PTPRM: variants seen among roughly 807,000 people sequenced by gnomAD.
PTPRM encodes protein tyrosine phosphatase receptor type M.
A neutral mutation model predicts 186.7 loss-of-function variants in PTPRM; 47 were observed. The observed-to-expected ratio is 0.25, with a 90% CI of 0.20 to 0.32. The LOEUF is 0.32. PTPRM is among the 10% of genes least tolerant of loss of function. The pLI is 1.00. For missense variants in PTPRM, 1,494 were observed against 1,865.0 expected (o/e 0.80, Z 3.66); for synonymous variants, 668 against 674.9 (o/e 0.99, Z 0.16).
intron 1 of PTPRM, among the ~76,000 whole-genome samples, chr18:7,685,797 A>G (rs371155452): frequency 6.6e-6 from 1 of 152,172 alleles, no homozygotes; most frequent in East Asian, 1.9e-4. Flanking sequence ...GCTGTAATTC[A>G]TCTCTAGAAA....
intron 1 of PTPRM, among the ~76,000 whole-genome samples, chr18:7,705,660 T>G (rs1315457159): frequency 6.6e-6 from 1 of 151,760 alleles, no homozygotes; most frequent in Non-Finnish European, 1.5e-5. Context: ...TTGTTGATTT[T>G]AAGGATTAAG....
chr18:7,899,408 C>A (rs2049539932), intron 3 of PTPRM, among the ~76,000 whole-genome samples: 1 of 152,068 alleles, frequency 6.6e-6, no homozygotes, highest in Non-Finnish European at 1.5e-5. Context: ...TAGGGAGTAG[C>A]AAATTCACAA....
chr18:8,186,276 A>G (rs1053367520), intron 14 of PTPRM, among the ~76,000 whole-genome samples: 2 of 147,354 alleles, frequency 1.4e-5, no homozygotes, highest in Non-Finnish European at 3.0e-5. Context: ...CAGTGAGCGG[A>G]GATCGTGCCA....
chr18:7,810,947 C>T (rs2044478611), intron 2 of PTPRM, among the ~76,000 whole-genome samples: 1 of 152,126 alleles, frequency 6.6e-6, no homozygotes. Flanking sequence ...ATAAAATCAG[C>T]ACATCCACAG....
At chr18:7,818,268 C>A (rs1733289078) in intron 2 of PTPRM, among the ~76,000 whole-genome samples, 1 of 152,124 alleles carries the variant, frequency 6.6e-6, no homozygotes, top group Admixed American at 6.5e-5. Context: ...GTATTAATTT[C>A]TTTGGTTAGG....
intron 4 of PTPRM, among the ~76,000 whole-genome samples, chr18:7,923,563 A>G (rs531789280): frequency 6.6e-6 from 1 of 152,362 alleles, no homozygotes; most frequent in South Asian, 2.1e-4. Flanking sequence ...AGTTCCCAGC[A>G]ATGGAAAACC....
At chr18:8,323,527 T>C (rs1029866758) in intron 22 of PTPRM, among the ~76,000 whole-genome samples, 2 of 152,246 alleles carry the variant, frequency 1.3e-5, no homozygotes, top group African/African-American at 4.8e-5. Flanking sequence ...ATTGTTGAGA[T>C]GCACGCGTTA....
chr18:8,228,677 T>TAAAAA (rs55669801), intron 14 of PTPRM, among the ~76,000 whole-genome samples: 2 of 130,608 alleles, frequency 1.5e-5, no homozygotes, highest in Non-Finnish European at 3.2e-5. Context: ...CAAACTCTAC[T>TAAAAA]AAAAAAAAAA....
chr18:7,985,126 T>G (rs573537076), intron 7 of PTPRM, among the ~76,000 whole-genome samples: 95 of 130,814 alleles, frequency 7.3e-4, no homozygotes, highest in African/African-American at 2.6e-3. Context: ...TATATACACA[T>G]ATAAATATAT....
At chr18:8,276,287 A>T (rs2094834578) in intron 19 of PTPRM, among the ~76,000 whole-genome samples, 1 of 152,068 alleles carries the variant, frequency 6.6e-6, no homozygotes, top group African/African-American at 2.4e-5. Context: ...GAGTGTTACA[A>T]CTGGACTGCA....
chr18:8,071,087 C>G (rs1402583210), intron 8 of PTPRM, among the ~76,000 whole-genome samples: 4 of 152,148 alleles, frequency 2.6e-5, no homozygotes, highest in African/African-American at 9.7e-5. Flanking sequence ...TTTATTGTCC[C>G]TCAAGTCCTG....
intron 21 of PTPRM, among the ~76,000 whole-genome samples, chr18:8,318,285 C>CTTT (rs140026832): frequency 2.0e-4 from 12 of 59,926 alleles, no homozygotes; most frequent in African/African-American, 8.2e-4. Flanking sequence ...TTGTTTCCTT[C>CTTT]TTTTTTTTTT....
chr18:7,951,788 A>G (rs2052976994), intron 6 of PTPRM, among the ~76,000 whole-genome samples: 1 of 152,248 alleles, frequency 6.6e-6, no homozygotes, highest in Non-Finnish European at 1.5e-5. Flanking sequence ...TAAGGTTATT[A>G]CCTTGAGGCA....
chr18:7,865,635 C>A (rs1411444163), intron 2 of PTPRM, among the ~76,000 whole-genome samples: 1 of 152,034 alleles, frequency 6.6e-6, no homozygotes, highest in African/African-American at 2.4e-5. Context: ...GGGATATTGG[C>A]CTGAAATTTT....
In PTPRM at chr18:7,668,864, C is replaced by T. The variant is rs1488558046; in HGVS notation, c.73+100973C>T. Among the ~76,000 whole-genome samples the T allele has an allele frequency of 1.3e-5, 2 of 152,010 alleles. No homozygotes were observed. Among genetic ancestry groups the T allele is most frequent in the Non-Finnish European group, 2.9e-5 (2 of 68,004 alleles). ...CCTTCTAGAATACTATATAATTTGT[C>T]TTTTAATTATCTTTGTTGTTTATTG... On this transcript the variant is annotated intron_variant, in intron 1 of 32. Transcript: ENST00000580170. This position sits in a 1 kb window ranked among gnomAD's most constrained non-coding sequence, Gnocchi z 4.7.
chr18:8,001,426 TGCGAATGG>T (rs2147771283), intron 7 of PTPRM, among the ~76,000 whole-genome samples: 1 of 152,224 alleles, frequency 6.6e-6, no homozygotes, highest in South Asian at 2.1e-4. Context: ...ATTTGGTGCA[TGCGAATGG>T]GTGTGTGTGT....
chr18:7,927,633 C>T (rs539133685), intron 5 of PTPRM, among the ~76,000 whole-genome samples: 1 of 152,306 alleles, frequency 6.6e-6, no homozygotes, highest in South Asian at 2.1e-4. Context: ...ATCTCTCCAC[C>T]TCCTGTCATG....
chr18:8,230,135 T>G (rs149064533), intron 14 of PTPRM, among the ~76,000 whole-genome samples: 1 of 152,226 alleles, frequency 6.6e-6, no homozygotes. Flanking sequence ...GTCTGTCATT[T>G]GATATAACCC....
intron 11 of PTPRM, among the ~76,000 whole-genome samples, chr18:8,097,325 C>T (rs1222558699): frequency 6.6e-6 from 1 of 152,074 alleles, no homozygotes; most frequent in Non-Finnish European, 1.5e-5. Flanking sequence ...AATTATGTCC[C>T]TTTTGACATG....
Sources: gnomAD v4.1 joint callset for allele counts (sites outside exome capture counted in the v4.1 genomes callset) on GRCh38, gnomAD v4.1.1 for gene constraint, Gnocchi (gnomAD v3.1) non-coding constraint, MANE v1.5 for transcripts, NCBI Gene and HGNC (gene_info 2026-07-23, HGNC 2026-07-21) for gene names.